Variants in ATP8B1 observed in about 807,000 individuals in gnomAD.
The protein encoded by ATP8B1 is ATPase phospholipid transporting 8B1.
A neutral mutation model predicts 149.9 loss-of-function variants in ATP8B1; 80 were observed. The observed-to-expected ratio is 0.53, with a 90% CI of 0.45 to 0.64. The LOEUF is 0.64. Among genes scored for constraint, ATP8B1 ranks in the 30% least tolerant of loss-of-function variants. The probability of loss-of-function intolerance (pLI) is 0.00; values close to 1 mark genes in which losing one functional copy is unlikely to be tolerated. For synonymous variants in ATP8B1, 536 were observed against 562.8 expected (o/e 0.95, Z 0.67); for missense variants, 1,247 against 1,552.6 (o/e 0.80, Z 3.31).
At chr18:57,661,715 T>A (rs28556719) in intron 21 of ATP8B1, among the ~76,000 whole-genome samples, 2,132 of 38,244 alleles carry the variant, frequency 0.056, 10 homozygotes, top group Middle Eastern at 0.083. Flanking sequence ...ATATATATAT[T>A]TTTTTTTTTT....
Position 57,647,270 on chromosome 18 carries a change from G to A in ATP8B1, c.*1218C>T, listed in dbSNP as rs1909235374. The A allele has an allele frequency of 6.6e-6, 1 of 152,152 alleles. No individual in the cohort carries two copies. The highest frequency in any genetic ancestry group is 1.9e-4 in the East Asian group (1 of 5,196). 9.4% of individuals were successfully genotyped at this position (152,152 alleles called of 1,614,324 possible). On this transcript the variant is annotated 3_prime_UTR_variant, in exon 28 of 28. Coordinates refer to ENST00000648908, the MANE Select transcript of ATP8B1 (RefSeq NM_001374385.1). ...AGGGAATCAAATCATTTGGTACTAT[G>A]GGAAGCTGCTAAAATAATATTTGAT...
chr18:57,781,433 G>C (rs1168926168), intron 1 of ATP8B1, among the ~76,000 whole-genome samples: 3 of 152,120 alleles, frequency 2.0e-5, no homozygotes, highest in African/African-American at 7.2e-5. Flanking sequence ...TGGGTTATTA[G>C]AAAAAATATC....
chr18:57,690,917 T>G (rs1273689579), intron 12 of ATP8B1, among the ~76,000 whole-genome samples: 1 of 152,150 alleles, frequency 6.6e-6, no homozygotes, highest in African/African-American at 2.4e-5. Context: ...GGCTCATGCC[T>G]GTAATCCCAG....
At chr18:57,752,207 A>AAATAATAATAAT (rs74183222) in intron 1 of ATP8B1, among the ~76,000 whole-genome samples, 14,241 of 138,112 alleles carry the variant, frequency 0.1, 912 homozygotes, top group Non-Finnish European at 0.14. Flanking sequence ...ACCCTGTCTC[A>AAATAATAATAAT]AATAATAATA....
At chr18:57,652,382 C>T (rs1396219775) in intron 25 of ATP8B1, 102 bp downstream of exon 25, 1 of 1,531,594 alleles carries the variant, frequency 6.5e-7, no homozygotes, top group South Asian at 1.1e-5. Context: ...TTGTAAGTGG[C>T]ACAGGTGCAG....
chr18:57,673,281 T>C (rs1216756443), intron 16 of ATP8B1, among the ~76,000 whole-genome samples: 1 of 151,816 alleles, frequency 6.6e-6, no homozygotes, highest in East Asian at 1.9e-4. Flanking sequence ...TCACCTAATA[T>C]AACCTGTGAT....
intron 1 of ATP8B1, among the ~76,000 whole-genome samples, chr18:57,732,220 T>C (rs2079783638): frequency 6.8e-5 from 1 of 14,644 alleles, no homozygotes; most frequent in Non-Finnish European, 2.1e-4. Context: ...TATATGTGTA[T>C]ATATGTATAT....
intron 1 of ATP8B1, among the ~76,000 whole-genome samples, chr18:57,785,506 G>T (rs747897116): frequency 6.6e-6 from 1 of 152,030 alleles, no homozygotes; most frequent in Non-Finnish European, 1.5e-5. Flanking sequence ...GTTTTGTCTC[G>T]TTCTGTTTTG....
chr18:57,788,565 AAAG>A (rs917818548), intron 1 of ATP8B1, among the ~76,000 whole-genome samples: 13 of 151,676 alleles, frequency 8.6e-5, no homozygotes, highest in South Asian at 2.1e-4. Context: ...CAAAAAAAAA[AAAG>A]AAAGAAAGGA....
intron 6 of ATP8B1, among the ~76,000 whole-genome samples, chr18:57,698,402 G>A (rs997086010): frequency 4.6e-5 from 7 of 151,874 alleles, no homozygotes; most frequent in Non-Finnish European, 1.0e-4. Context: ...GGAGTGCAGT[G>A]GCACGATCTC....
At chr18:57,798,098 A>C (rs887751241) in intron 1 of ATP8B1, among the ~76,000 whole-genome samples, 1 of 152,104 alleles carries the variant, frequency 6.6e-6, no homozygotes, top group East Asian at 1.9e-4. Context: ...CCCCCAGCAT[A>C]GTCTAAAGAT....
intron 1 of ATP8B1, among the ~76,000 whole-genome samples, chr18:57,745,089 T>C (rs2079952575): frequency 6.6e-6 from 1 of 152,230 alleles, no homozygotes; most frequent in Non-Finnish European, 1.5e-5. Flanking sequence ...TTCAATGTTT[T>C]CAATGTCAGC....
intron 1 of ATP8B1, among the ~76,000 whole-genome samples, chr18:57,753,921 G>A (rs1313290465): frequency 1.6e-4 from 13 of 82,862 alleles, no homozygotes; most frequent in Non-Finnish European, 2.2e-4. Context: ...GACAGAACAA[G>A]ACTCTGTCTC....
At chr18:57,700,212 A>T (rs1215074302) in intron 6 of ATP8B1, among the ~76,000 whole-genome samples, 1 of 152,186 alleles carries the variant, frequency 6.6e-6, no homozygotes, top group Admixed American at 6.5e-5. Flanking sequence ...AAACATCTAC[A>T]ATTTCGTCAA....
chr18:57,760,326 T>G (rs909567551), intron 1 of ATP8B1, among the ~76,000 whole-genome samples: 1 of 152,194 alleles, frequency 6.6e-6, no homozygotes, highest in Non-Finnish European at 1.5e-5. Context: ...ATGAGATACT[T>G]GAGTAGCTTC....
intron 1 of ATP8B1, among the ~76,000 whole-genome samples, chr18:57,762,145 T>A (rs867705478): frequency 4.1e-4 from 44 of 106,930 alleles, no homozygotes; most frequent in South Asian, 1.4e-3. Flanking sequence ...ATATATATTT[T>A]TTTTTTCTTT....
chr18:57,762,977 A>C (rs941229370), intron 1 of ATP8B1, among the ~76,000 whole-genome samples: 2 of 152,226 alleles, frequency 1.3e-5, no homozygotes, highest in Admixed American at 1.3e-4. Context: ...AGTTCTAAGA[A>C]AGTCAGGAGT....
intron 15 of ATP8B1, among the ~76,000 whole-genome samples, chr18:57,682,295 C>T (rs566495915): frequency 6.6e-6 from 1 of 152,280 alleles, no homozygotes; most frequent in South Asian, 2.1e-4. Context: ...TAAGCCACCG[C>T]GCCCAGCCCT....
At position 57,689,482 on chromosome 18, in the gene ATP8B1, T is replaced by G. The variant is rs566538858; in HGVS notation, c.1221-975A>C. 1.4e-3 allele frequency among the ~76,000 whole-genome samples: 220 copies of G among 152,306 alleles called. 1 individual carries two copies. The highest frequency in any genetic ancestry group is 4.7e-3 in the African/African-American group (195 of 41,552). Reference sequence around the variant, plus strand: ...AGCTGTTTACATAGCCAGCAATTGTTAGGTGGGCCAAGGAAGTCCTTAACA... The same window carrying G: ...AGCTGTTTACATAGCCAGCAATTGTGAGGTGGGCCAAGGAAGTCCTTAACA... On this transcript the variant is annotated intron_variant, in intron 12 of 27. Coordinates refer to ENST00000648908, the MANE Select transcript of ATP8B1 (RefSeq NM_001374385.1).
Sources: allele counts gnomAD v4.1 joint callset (sites outside exome capture counted in the v4.1 genomes callset), GRCh38; gene constraint gnomAD v4.1.1; transcripts MANE v1.5; gene names NCBI Gene and HGNC (gene_info 2026-07-23, HGNC 2026-07-21).